OTOR: variants seen among roughly 807,000 people sequenced by gnomAD.
The protein encoded by OTOR is fibrocyte-derived protein.
In OTOR, 20 loss-of-function variants were observed where a neutral mutation model predicts 15.9. The observed-to-expected ratio is 1.26, with a 90% CI of 0.89 to 1.83. The LOEUF is 1.83. OTOR is among the 40% of genes most tolerant of loss of function. The probability of loss-of-function intolerance (pLI) is 0.00; values close to 1 mark genes in which losing one functional copy is unlikely to be tolerated. For synonymous variants in OTOR, 53 were observed against 54.2 expected (o/e 0.98, Z 0.09); for missense variants, 184 against 159.0 (o/e 1.16, Z -0.85).
chr20:16,751,076 T>G lies in OTOR; in HGVS notation c.364-19T>G. On this transcript the variant is annotated intron_variant, in intron 3 of 3. Coordinates refer to ENST00000246081, the MANE Select transcript of OTOR (RefSeq NM_020157.4). Reference sequence around the variant, plus strand: ...TAGGCTATTTCGTTCAATCTTTTTTTGTTTTTGTTTTTTTCCAGGATATTG... The same window carrying G: ...TAGGCTATTTCGTTCAATCTTTTTTGGTTTTTGTTTTTTTCCAGGATATTG... The G allele has an allele frequency of 6.5e-7, 1 of 1,530,240 alleles. No individual in the cohort carries two copies. Among genetic ancestry groups the G allele is most frequent in the Non-Finnish European group, 8.9e-7 (1 of 1,129,296 alleles). 94.8% of individuals were successfully genotyped at this position (1,530,240 alleles called of 1,614,324 possible). A position where few individuals can be genotyped will look rare whatever the true frequency, so the allele number is the denominator to read the frequency against.
chr20:16,750,847 G>C lies in OTOR; in HGVS notation c.364-248G>C, dbSNP rs566477061. Among the ~76,000 whole-genome samples the C allele has an allele frequency of 1.1e-4, 16 of 152,308 alleles. No homozygotes were observed. In the East Asian group the frequency reaches 3.1e-3, roughly 29 times the overall value. ...CATCCTACACAAATGGGACTCACTT[G>C]TCATCACTTCTTAGCATTATGCTGA... is the stretch of plus-strand genomic sequence containing the variant. On this transcript the variant is annotated intron_variant, in intron 3 of 3. Coordinates refer to ENST00000246081, the MANE Select transcript of OTOR (RefSeq NM_020157.4).
chr20:16,748,550 T>A, intron 1 of OTOR, 34 bp downstream of exon 1: 1 of 1,221,834 alleles, frequency 8.2e-7, no homozygotes, highest in Non-Finnish European at 1.2e-6. Flanking sequence ...ATTATCTTTC[T>A]ATTACATAAT....
chr20:16,748,936 A>G lies in OTOR; in HGVS notation c.185A>G (p.Lys62Arg). The part of the protein sequence containing the change: ...APDCRFINVK[K>R]GQQIYVYSKL... Reference sequence around the variant, plus strand: ...GACTGTAGATTCATTAACGTTAAAAAAGGGCAGCAGATCTATGTGTACTCA... The same window carrying G: ...GACTGTAGATTCATTAACGTTAAAAGAGGGCAGCAGATCTATGTGTACTCA... The change falls in exon 2 of 4, where the codon AAA (lysine) becomes AGA (arginine). Residue 62 changes from lysine to arginine, a missense_variant. Transcript: ENST00000246081. 2.5e-6 allele frequency: 4 copies of G among 1,612,680 alleles called. No individual in the cohort carries two copies. Among genetic ancestry groups the G allele is most frequent in the Non-Finnish European group, 2.5e-6 (3 of 1,179,274 alleles).
intron 2 of OTOR, among the ~76,000 whole-genome samples, 178 bp downstream of exon 2, chr20:16,749,184 C>T (rs1049039707): frequency 5.9e-5 from 9 of 152,046 alleles, no homozygotes; most frequent in Non-Finnish European, 1.2e-4. Context: ...AGATCAATTT[C>T]GTAACAAAAC....
intron 2 of OTOR, 44 bp downstream of exon 2, chr20:16,749,050 T>C (rs1167433364): frequency 4.3e-6 from 6 of 1,396,594 alleles, no homozygotes; most frequent in Non-Finnish European, 3.9e-6. Flanking sequence ...GCTCTTAACC[T>C]TTCCTTGATT....
chr20:16,750,944 G>T (rs538481013), intron 3 of OTOR, 151 bp from the exon 4 acceptor site: 6 of 648,338 alleles, frequency 9.3e-6, no homozygotes, highest in Admixed American at 6.9e-5. Context: ...GACTTAAAGT[G>T]GTAAATATTT....
intron 3 of OTOR, among the ~76,000 whole-genome samples, chr20:16,750,429 GAA>G (rs2072522529): frequency 2.5e-5 from 3 of 121,252 alleles, no homozygotes; most frequent in African/African-American, 9.8e-5. Context: ...GTGTGTGTGT[GAA>G]AACATTAAGA....
intron 3 of OTOR, among the ~76,000 whole-genome samples, chr20:16,750,545 T>A (rs1310958607): frequency 6.6e-6 from 1 of 152,152 alleles, no homozygotes; most frequent in East Asian, 1.9e-4. Flanking sequence ...GAAACCAAAG[T>A]CAGCACTGAC....
rs1457534848 is a variant in OTOR at position 16,749,924 on chromosome 20, G to C, written c.277G>C (p.Glu93Gln). Residue 93 changes from glutamate (E) to glutamine (Q), a missense_variant, in exon 3 of 4, where the codon GAG (glutamate) becomes CAG (glutamine). Glu to Gln is a conservative substitution (Grantham distance 29). Transcript: ENST00000246081. ...TTAGGTTTATGGTGATGGCCAGGACGAGATGGGAGTCGTGGGTTATTTCCC... is the reference window on the plus strand; with the variant it reads ...TTAGGTTTATGGTGATGGCCAGGACCAGATGGGAGTCGTGGGTTATTTCCC... Reference protein sequence around the residue: ...AGSVYGDGQDEMGVVGYFPRN... With the variant: ...AGSVYGDGQDQMGVVGYFPRN... 1.2e-6 allele frequency: 2 copies of C among 1,613,232 alleles called. No individual in the cohort carries two copies. The highest frequency in any genetic ancestry group is 2.2e-5 in the South Asian group (2 of 91,044).
Position 16,749,019 on chromosome 20 carries a change from A to G in OTOR, c.255+13A>G. 1 of 1,586,408 alleles carries G rather than the reference A, an allele frequency of 6.3e-7. No individual in the cohort carries two copies. The highest frequency in any genetic ancestry group is 8.6e-7 in the Non-Finnish European group (1 of 1,167,578). ...TTGGGCTGGCAGTGTAAGATAATTT[A>G]AACACCTATTGACGAATATTGCTCT... On this transcript the variant is annotated intron_variant, in intron 2 of 3. Transcript: ENST00000246081.
chr20:16,749,578 A>G, intron 2 of OTOR: 1 of 261,044 alleles, frequency 3.8e-6, no homozygotes, highest in East Asian at 8.1e-5. Context: ...AAGTGTCTAC[A>G]GTACTTTAAA....
In OTOR at chr20:16,749,968, A is replaced by G; in HGVS notation, c.321A>G (p.Glu107=). 1 of 1,613,798 alleles carries G rather than the reference A, an allele frequency of 6.2e-7. No homozygotes were observed. Among genetic ancestry groups the G allele is most frequent in the Non-Finnish European group, 8.5e-7 (1 of 1,179,802 alleles). ...ATTTCCCCAGGAACTTGGTCAAGGA[A>G]CAGCGTGTGTACCAGGAAGCTACCA... ...VGYFPRNLVK[E]QRVYQEATKE... The change falls in exon 3 of 4, where the codon GAA becomes GAG. Residue 107 remains glutamate, a synonymous_variant. Coordinates refer to ENST00000246081, the MANE Select transcript of OTOR (RefSeq NM_020157.4).
At chr20:16,750,959 T>C in intron 3 of OTOR, 136 bp from the exon 4 acceptor site, 1 of 678,680 alleles carries the variant, frequency 1.5e-6, no homozygotes, top group South Asian at 1.8e-5. Flanking sequence ...ATATTTCATA[T>C]TTTTTGGGGG....
In OTOR at chr20:16,750,014, A is replaced by T; in HGVS notation, c.363+4A>T. ...TACCAAGGAAGTTCCCACCACGGTA[A>T]GCATCTCAAAAGTGACTAGACAAGG... On this transcript the variant is annotated splice_donor_region_variant and intron_variant, in intron 3 of 3. Transcript: ENST00000246081. 6.3e-7 allele frequency: 1 copy of T among 1,590,380 alleles called. No individual in the cohort carries two copies. The highest frequency in any genetic ancestry group is 8.6e-7 in the Non-Finnish European group (1 of 1,158,990).
Position 16,751,772 on chromosome 20 carries a change from C to A in OTOR, c.*654C>A, listed in dbSNP as rs1347528960. ...TTCTAAATGATCAATTTACTTCTCCCCCAATTTTAAAGAAGTATGTGTATA... is the reference window on the plus strand; with the variant it reads ...TTCTAAATGATCAATTTACTTCTCCACCAATTTTAAAGAAGTATGTGTATA... On this transcript the variant is annotated 3_prime_UTR_variant, in exon 4 of 4. Coordinates refer to ENST00000246081, the MANE Select transcript of OTOR (RefSeq NM_020157.4). The A allele has an allele frequency of 2.6e-5, 4 of 151,962 alleles. No homozygotes were observed. Among genetic ancestry groups the A allele is most frequent in the Non-Finnish European group, 5.9e-5 (4 of 68,002 alleles). The allele number at this position is 151,962 out of a possible 1,614,324, so 9.4% of individuals were successfully genotyped here.
In OTOR at chr20:16,751,465, C is replaced by T. The variant is rs924783595; in HGVS notation, c.*347C>T. The T allele has an allele frequency of 4.7e-6, 1 of 211,666 alleles. No homozygotes were observed. The highest frequency in any genetic ancestry group is 2.3e-5 in the African/African-American group (1 of 43,556). 13.1% of individuals were successfully genotyped at this position (211,666 alleles called of 1,614,324 possible). Reference sequence around the variant, plus strand: ...TAGTTATTTCTAAGTAGTAATTCTTCCCAGCTCTTTGATTTGCCATATATA... The same window carrying T: ...TAGTTATTTCTAAGTAGTAATTCTTTCCAGCTCTTTGATTTGCCATATATA... On this transcript the variant is annotated 3_prime_UTR_variant, in exon 4 of 4. Coordinates refer to ENST00000246081, the MANE Select transcript of OTOR (RefSeq NM_020157.4).
intron 1 of OTOR, among the ~76,000 whole-genome samples, 154 bp from the exon 2 acceptor site, chr20:16,748,713 A>G (rs1266478974): frequency 2.0e-5 from 3 of 152,196 alleles, no homozygotes; most frequent in African/African-American, 7.2e-5. Context: ...CAGCTTTAAT[A>G]TCTTGGCTGT....
chr20:16,749,081 A>C, intron 2 of OTOR, 75 bp downstream of exon 2: 4 of 1,086,416 alleles, frequency 3.7e-6, no homozygotes, highest in Middle Eastern at 4.4e-4. Context: ...AACCTATTTT[A>C]ATGCTTAATA....
intron 3 of OTOR, 33 bp from the exon 4 acceptor site, chr20:16,751,062 G>T (rs200379818): frequency 1.4e-5 from 21 of 1,503,176 alleles, no homozygotes; most frequent in Non-Finnish European, 1.8e-5. Flanking sequence ...AGGCTATTTC[G>T]TTCAATCTTT....
Sources: gnomAD v4.1 joint callset for allele counts (sites outside exome capture counted in the v4.1 genomes callset) on GRCh38, gnomAD v4.1.1 for gene constraint, MANE v1.5 for transcripts, NCBI Gene and HGNC (gene_info 2026-07-23, HGNC 2026-07-21) for gene names.